The following FHL2 variants were observed in gnomAD, a reference collection of about 807,000 sequenced individuals.
The protein encoded by FHL2 is four and a half LIM domains protein 2.
A neutral mutation model predicts 32.7 loss-of-function variants in FHL2; 20 were observed. The ratio of observed to expected loss-of-function variants is 0.61; its 90% CI spans 0.43 to 0.89. The LOEUF is 0.89. Among genes scored for constraint, FHL2 ranks in the 40% least tolerant of loss-of-function variants. The probability of loss-of-function intolerance (pLI) is 0.00; values close to 1 mark genes in which losing one functional copy is unlikely to be tolerated. For missense variants in FHL2, 311 were observed against 358.6 expected (o/e 0.87, Z 1.07); for synonymous variants, 123 against 128.1 (o/e 0.96, Z 0.27).
chr2:105,396,841 T>C (rs1683163095), intron 1 of FHL2, 144 bp from the exon 2 acceptor site: 1 of 693,760 alleles, frequency 1.4e-6, no homozygotes, highest in African/African-American at 1.8e-5. Context: ...CAATGTCTAA[T>C]GTTTCCATTC....
intron 1 of FHL2, among the ~76,000 whole-genome samples, chr2:105,437,971 A>G (rs1684662073): frequency 6.6e-6 from 1 of 152,222 alleles, no homozygotes; most frequent in Non-Finnish European, 1.5e-5. Flanking sequence ...TCAGGGAGAA[A>G]AAGTTCAAGT....
At chr2:105,417,308 G>C (rs183552781) in intron 1 of FHL2, among the ~76,000 whole-genome samples, 10 of 152,040 alleles carry the variant, frequency 6.6e-5, no homozygotes, top group African/African-American at 2.4e-4. Context: ...CTTGAACCCA[G>C]GAGGCAGAGG....
rs189445059 is a variant in FHL2, at chr2:105,391,047, G to C, written c.-24-4507C>G. 1.4e-3 allele frequency among the ~76,000 whole-genome samples: 205 copies of C among 151,788 alleles called. 1 individual carries two copies. Among genetic ancestry groups the C allele is most frequent in the Admixed American group, 2.5e-3 (38 of 15,244 alleles). On this transcript the variant is annotated intron_variant, in intron 2 of 6. Coordinates refer to ENST00000530340, the MANE Select transcript of FHL2 (RefSeq NM_001318895.3). The stretch of plus-strand genomic sequence containing the variant: ...GGAGTTTCACCATGTTGGCCAGACT[G>C]GTCTCAAACTCCTGACCTCAGGTGA...
chr2:105,370,319 G>A (rs1269403050), intron 4 of FHL2, among the ~76,000 whole-genome samples: 1 of 151,946 alleles, frequency 6.6e-6, no homozygotes, highest in Admixed American at 6.6e-5. Flanking sequence ...AGGCTGCAGT[G>A]AGCAGTGATC....
At chr2:105,363,877 G>A (rs1680455124) in intron 5 of FHL2, among the ~76,000 whole-genome samples, 1 of 152,208 alleles carries the variant, frequency 6.6e-6, no homozygotes, top group Admixed American at 6.5e-5. Context: ...CTGGGAGCAG[G>A]TCATGATAAA....
At chr2:105,404,570 C>T (rs1683568882) in intron 1 of FHL2, among the ~76,000 whole-genome samples, 3 of 152,166 alleles carry the variant, frequency 2.0e-5, no homozygotes, top group South Asian at 2.1e-4. Context: ...CCTGCCTGTG[C>T]CCGTGAGCTG....
chr2:105,422,350 A>G (rs374951139), intron 1 of FHL2, among the ~76,000 whole-genome samples: 1 of 152,174 alleles, frequency 6.6e-6, no homozygotes, highest in Non-Finnish European at 1.5e-5. Context: ...TGTCATGTGC[A>G]TGGGAATTGC....
chr2:105,426,615 A>C (rs540147179), intron 1 of FHL2, among the ~76,000 whole-genome samples: 1 of 152,280 alleles, frequency 6.6e-6, no homozygotes, highest in South Asian at 2.1e-4. Context: ...CTGCAAAATT[A>C]CAGGAAGAGG....
At chr2:105,370,214 C>A (rs375643513) in intron 4 of FHL2, among the ~76,000 whole-genome samples, 36 of 151,754 alleles carry the variant, frequency 2.4e-4, no homozygotes, top group African/African-American at 7.0e-4. Flanking sequence ...CTCTACCCCC[C>A]CAAAAAAAAA....
intron 3 of FHL2, among the ~76,000 whole-genome samples, chr2:105,377,390 G>A (rs1681546055): frequency 6.6e-6 from 1 of 152,164 alleles, no homozygotes; most frequent in African/African-American, 2.4e-5. Context: ...CAGCACTTTG[G>A]GAGGCCGAGG....
intron 1 of FHL2, among the ~76,000 whole-genome samples, chr2:105,437,558 G>C (rs926718862): frequency 6.6e-6 from 1 of 152,150 alleles, no homozygotes; most frequent in African/African-American, 2.4e-5. Flanking sequence ...CTGTAAGGCA[G>C]GTGTTTATTA....
At chr2:105,370,394 TGAG>T (rs1244029871) in intron 4 of FHL2, among the ~76,000 whole-genome samples, 36 of 148,300 alleles carry the variant, frequency 2.4e-4, no homozygotes, top group African/African-American at 8.9e-4. Context: ...AAAAGTCAAA[TGAG>T]GAGCCAGAAA....
At chr2:105,388,731 C>T (rs960747694) in intron 2 of FHL2, among the ~76,000 whole-genome samples, 3 of 151,478 alleles carry the variant, frequency 2.0e-5, no homozygotes, top group Admixed American at 6.6e-5. Flanking sequence ...CTACTCAGGA[C>T]GCTAAGGCAG....
At chr2:105,411,589 C>CA in intron 1 of FHL2, among the ~76,000 whole-genome samples, 1 of 136,962 alleles carries the variant, frequency 7.3e-6, no homozygotes, top group African/African-American at 2.8e-5. Flanking sequence ...TCATGGTTCC[C>CA]AGCACTTTGG....
intron 2 of FHL2, among the ~76,000 whole-genome samples, chr2:105,395,127 A>G (rs929383226): frequency 6.6e-6 from 1 of 152,266 alleles, no homozygotes; most frequent in Non-Finnish European, 1.5e-5. Flanking sequence ...CAGTCTATGA[A>G]GGAGTTCCAG....
chr2:105,361,378 AGCAGTCGTTATGCCACT>A lies in FHL2; in HGVS notation c.728_744del (p.Gln243LeufsTer2). Reference sequence around the variant, plus strand: ...GAGAGGGAGCACTTCTTACAGTTAAAGCAGTCGTTATGCCACTGCCGTTCCTCAAAGGAGATGTATTT... The same window carrying A: ...GAGAGGGAGCACTTCTTACAGTTAAAGCCGTTCCTCAAAGGAGATGTATTT... On this transcript the variant is annotated frameshift_variant, in exon 7 of 7. Transcript: ENST00000530340. LOFTEE classifies it high-confidence loss of function. 1 of 1,614,202 alleles carries A rather than the reference AGCAGTCGTTATGCCACT, an allele frequency of 6.2e-7. No homozygotes were observed. The highest frequency in any genetic ancestry group is 8.5e-7 in the Non-Finnish European group (1 of 1,179,990).
chr2:105,385,115 C>T (rs1682205917), intron 3 of FHL2, among the ~76,000 whole-genome samples: 1 of 152,200 alleles, frequency 6.6e-6, no homozygotes, highest in Non-Finnish European at 1.5e-5. Context: ...GTTTCTTTTA[C>T]ATTCAGCACA....
intron 1 of FHL2, among the ~76,000 whole-genome samples, chr2:105,405,203 C>T (rs1683589647): frequency 6.6e-6 from 1 of 152,170 alleles, no homozygotes; most frequent in South Asian, 2.1e-4. Flanking sequence ...ACTTCTCTGC[C>T]TGCCTTCTCT....
At chr2:105,390,533 A>T (rs138999983) in intron 2 of FHL2, among the ~76,000 whole-genome samples, 1 of 152,292 alleles carries the variant, frequency 6.6e-6, no homozygotes, top group African/African-American at 2.4e-5. Context: ...AGGACACTAG[A>T]GTTCTACAAA....
Sources: allele counts gnomAD v4.1 joint callset (sites outside exome capture counted in the v4.1 genomes callset), GRCh38; gene constraint gnomAD v4.1.1; transcripts MANE v1.5; gene names NCBI Gene and HGNC (gene_info 2026-07-23, HGNC 2026-07-21).